The following MITF variants were observed in gnomAD, a reference collection of about 807,000 sequenced individuals.
MITF encodes melanocyte inducing transcription factor.
Under a neutral mutation model 60.5 loss-of-function variants are expected in MITF, and 17 were observed. The ratio of observed to expected loss-of-function variants is 0.28; its 90% CI spans 0.19 to 0.42. The LOEUF (loss-of-function observed/expected upper bound fraction) is 0.42. Ranked by LOEUF, MITF falls within the 10% of genes least tolerant of loss-of-function variation. The pLI, the probability that MITF is intolerant of heterozygous loss-of-function variation, is 1.00. For synonymous variants in MITF, 260 were observed against 248.5 expected (o/e 1.05, Z -0.43); for missense variants, 622 against 683.5 (o/e 0.91, Z 1.00).
At chr3:69,862,704 A>G (rs1404900550) in intron 1 of MITF, among the ~76,000 whole-genome samples, 1 of 152,188 alleles carries the variant, frequency 6.6e-6, no homozygotes, top group African/African-American at 2.4e-5. Flanking sequence ...GCTTCCAAGG[A>G]AAAAGTTGGC....
intron 1 of MITF, among the ~76,000 whole-genome samples, chr3:69,814,156 G>A (rs935164482): frequency 2.0e-5 from 3 of 151,704 alleles, no homozygotes; most frequent in African/African-American, 7.3e-5. Context: ...CTGCCACTGC[G>A]GTATTCTCAG....
chr3:69,756,297 C>T (rs986973055), intron 1 of MITF, among the ~76,000 whole-genome samples: 4 of 152,068 alleles, frequency 2.6e-5, no homozygotes, highest in Admixed American at 6.5e-5. Flanking sequence ...CCACAACCCC[C>T]GACAGGCCCT....
chr3:69,743,880 C>T (rs188062594), intron 1 of MITF, among the ~76,000 whole-genome samples: 12 of 152,328 alleles, frequency 7.9e-5, no homozygotes, highest in Admixed American at 4.6e-4. Flanking sequence ...CTTTCAGGCT[C>T]ATAGTCCTTT....
At chr3:69,780,140 T>C (rs1363358296) in intron 1 of MITF, among the ~76,000 whole-genome samples, 1 of 152,092 alleles carries the variant, frequency 6.6e-6, no homozygotes, top group Admixed American at 6.6e-5. Flanking sequence ...AAAGATGATC[T>C]AATAGAGACA....
At chr3:69,805,405 A>G (rs1192220512) in intron 1 of MITF, among the ~76,000 whole-genome samples, 1 of 152,156 alleles carries the variant, frequency 6.6e-6, no homozygotes, top group Non-Finnish European at 1.5e-5. Context: ...GCAAAAAAGA[A>G]TGAGGCCTTC....
At chr3:69,854,929 A>C (rs1011554922) in intron 1 of MITF, among the ~76,000 whole-genome samples, 1 of 152,214 alleles carries the variant, frequency 6.6e-6, no homozygotes, top group Non-Finnish European at 1.5e-5. Context: ...CTGACTGGAG[A>C]GAATCACAGA....
chr3:69,917,796 G>C (rs922209794), intron 2 of MITF, among the ~76,000 whole-genome samples: 3 of 151,932 alleles, frequency 2.0e-5, no homozygotes, highest in Non-Finnish European at 4.4e-5. Flanking sequence ...TTATGTCTTA[G>C]GGATATGTAT....
intron 8 of MITF, among the ~76,000 whole-genome samples, chr3:69,957,683 T>C (rs1213630324): frequency 6.6e-6 from 1 of 152,240 alleles, no homozygotes; most frequent in Non-Finnish European, 1.5e-5. Context: ...TTTTAGCATA[T>C]TCTTTTAAAC....
At chr3:69,778,314 T>G (rs960033800) in intron 1 of MITF, among the ~76,000 whole-genome samples, 1 of 152,176 alleles carries the variant, frequency 6.6e-6, no homozygotes. Context: ...GTATAATAGA[T>G]GAGTATAGTC....
rs370231814 is a variant in MITF at position 69,929,598 on chromosome 3, G to GT, written c.355-8215dup. 1.7e-3 allele frequency among the ~76,000 whole-genome samples: 260 copies of GT among 150,792 alleles called. 2 individuals are homozygous for GT. The highest frequency in any genetic ancestry group is 0.015 in the East Asian group (76 of 5,158). ...AGGCCATTGCAAATACTTTGTTTTTGTTTTTTTTTCTCAGAAATAAGTAGG... is the reference window on the plus strand; with the variant it reads ...AGGCCATTGCAAATACTTTGTTTTTGTTTTTTTTTTCTCAGAAATAAGTAGG... On this transcript the variant is annotated intron_variant, in intron 2 of 9. Transcript: ENST00000352241.
intron 1 of MITF, among the ~76,000 whole-genome samples, chr3:69,821,012 A>G (rs1055676704): frequency 3.3e-5 from 5 of 152,190 alleles, no homozygotes; most frequent in South Asian, 2.1e-4. Flanking sequence ...TCGTTGTAGG[A>G]TATTTTCCAA....
chr3:69,951,209 C>T (rs957251968), intron 6 of MITF, among the ~76,000 whole-genome samples: 1 of 151,366 alleles, frequency 6.6e-6, no homozygotes, highest in Non-Finnish European at 1.5e-5. Context: ...GTGATCCTCC[C>T]ACCTCAGCCT....
At chr3:69,754,720 G>T (rs1216962224) in intron 1 of MITF, among the ~76,000 whole-genome samples, 4 of 151,768 alleles carry the variant, frequency 2.6e-5, no homozygotes, top group Admixed American at 2.6e-4. Context: ...AGAGGACAGT[G>T]CATAATAATA....
chr3:69,838,667 T>G (rs1385399216), intron 1 of MITF: 2 of 152,644 alleles, frequency 1.3e-5, no homozygotes, highest in Non-Finnish European at 2.9e-5. Flanking sequence ...TTTTAAAATA[T>G]AAAGTGGTAA....
chr3:69,741,205 T>G (rs1177135606), intron 1 of MITF, among the ~76,000 whole-genome samples: 1 of 152,082 alleles, frequency 6.6e-6, no homozygotes, highest in Non-Finnish European at 1.5e-5. Context: ...CTGGGGGTTT[T>G]GAGTAATATT....
intron 1 of MITF, among the ~76,000 whole-genome samples, chr3:69,779,722 T>G (rs917166956): frequency 1.3e-5 from 2 of 152,116 alleles, no homozygotes; most frequent in Non-Finnish European, 2.9e-5. Flanking sequence ...AAATTAAAAT[T>G]TTCATTTTGA....
intron 1 of MITF, among the ~76,000 whole-genome samples, chr3:69,780,389 G>A (rs2062544411): frequency 1.3e-5 from 2 of 152,174 alleles, no homozygotes. Flanking sequence ...GCATGCCAAT[G>A]AGCAGTCATC....
At chr3:69,854,838 C>T (rs1027839261) in intron 1 of MITF, among the ~76,000 whole-genome samples, 6 of 152,130 alleles carry the variant, frequency 3.9e-5, no homozygotes, top group Admixed American at 6.5e-5. Flanking sequence ...TCAAATGTCC[C>T]ATGGGGACAA....
chr3:69,832,920 G>A (rs1489338744), intron 1 of MITF, among the ~76,000 whole-genome samples: 1 of 151,600 alleles, frequency 6.6e-6, no homozygotes, highest in Non-Finnish European at 1.5e-5. Context: ...CACTGTATGT[G>A]GTTATATACC....
Sources: allele counts gnomAD v4.1 joint callset (sites outside exome capture counted in the v4.1 genomes callset), GRCh38; gene constraint gnomAD v4.1.1; transcripts MANE v1.5; gene names NCBI Gene and HGNC (gene_info 2026-07-23, HGNC 2026-07-21).